Variants in SPIN1 observed in about 807,000 individuals in gnomAD.
SPIN1 encodes spindlin-1.
Under a neutral mutation model 26.0 loss-of-function variants are expected in SPIN1, and 3 were observed. The observed-to-expected ratio is 0.12, with a 90% confidence interval of 0.05 to 0.30. The LOEUF is 0.30. SPIN1 is among the 10% of genes least tolerant of loss of function. The probability of loss-of-function intolerance (pLI) is 1.00; values close to 1 mark genes in which losing one functional copy is unlikely to be tolerated. For missense variants in SPIN1, 126 were observed against 333.4 expected (o/e 0.38, Z 4.84); for synonymous variants, 101 against 116.5 (o/e 0.87, Z 0.86).
rs1828916888 is a variant in SPIN1 at position 88,477,945 on chromosome 9, A to C, written c.*2668A>C. ...TGCTCTATTCTAAGTAGAATGTTCA[A>C]TGTAACTGACTAAAATTGCATGTTA... On this transcript the variant is annotated 3_prime_UTR_variant, in exon 6 of 6. Coordinates refer to ENST00000375859, the MANE Select transcript of SPIN1 (RefSeq NM_006717.3). 6.6e-6 allele frequency: 1 copy of C among 152,330 alleles called. No individual in the cohort carries two copies. The highest frequency in any genetic ancestry group is 1.5e-5 in the Non-Finnish European group (1 of 68,036). The allele number at this position is 152,330 out of a possible 1,614,324, so 9.4% of individuals were successfully genotyped here. A position where few individuals can be genotyped will look rare whatever the true frequency, so the allele number is the denominator to read the frequency against.
intron 3 of SPIN1, among the ~76,000 whole-genome samples, chr9:88,450,369 G>A (rs1450688691): frequency 6.6e-6 from 1 of 152,116 alleles, no homozygotes; most frequent in Non-Finnish European, 1.5e-5. Context: ...TAAGTTAAAG[G>A]CTTATAGAAT....
Position 88,462,533 on chromosome 9 carries a change from T to A in SPIN1, c.139T>A (p.Ser47Thr), listed in dbSNP as rs747157977. 3.7e-6 allele frequency: 6 copies of A among 1,613,954 alleles called. No homozygotes were observed. In the Admixed American group the frequency reaches 8.3e-5, roughly 22 times the overall value. Residue 47 changes from serine (S) to threonine (T), a missense_variant, in exon 4 of 6, where the codon TCC (serine) becomes ACC (threonine). Transcript: ENST00000375859. The stretch of plus-strand genomic sequence containing the variant: ...CAGTGTGGGTCCGAGCAAACCTGTT[T>A]CCCAGCCCCGGCGGAACATCGTAGG... ...RSSVGPSKPV[S>T]QPRRNIVGCR... is the part of the protein sequence containing the mutation.
chr9:88,437,213 A>G (rs140594196), intron 2 of SPIN1, among the ~76,000 whole-genome samples: 54 of 151,828 alleles, frequency 3.6e-4, no homozygotes, highest in African/African-American at 1.2e-3. Flanking sequence ...TAAAGCTGCT[A>G]TAGGCCGGGG....
chr9:88,410,838 G>A (rs1351824361), intron 1 of SPIN1: 1 of 922,662 alleles, frequency 1.1e-6, no homozygotes, highest in Non-Finnish European at 1.8e-6. Flanking sequence ...CATTCCCACT[G>A]AAACCACCTC....
At position 88,463,552 on chromosome 9, in the gene SPIN1, G is replaced by A. The variant is rs192458569; in HGVS notation, c.355+803G>A. Among the ~76,000 whole-genome samples, 337 of 152,324 alleles carry A rather than the reference G, an allele frequency of 2.2e-3. 1 individual carries two copies. Among genetic ancestry groups the A allele is most frequent in the Non-Finnish European group, 3.8e-3 (261 of 68,032 alleles). The stretch of plus-strand genomic sequence containing the variant: ...TTTTGGGATCAAATTGTCACAGGAA[G>A]AAATTAGTTCAGTCTCCTCGCTTTG... On this transcript the variant is annotated intron_variant, in intron 4 of 5. Coordinates refer to ENST00000375859, the MANE Select transcript of SPIN1 (RefSeq NM_006717.3).
At chr9:88,420,897 C>T (rs994952562) in intron 1 of SPIN1, among the ~76,000 whole-genome samples, 3 of 152,154 alleles carry the variant, frequency 2.0e-5, no homozygotes, top group African/African-American at 4.8e-5. Context: ...GAATTATTTT[C>T]ACAGTTCTTT....
chr9:88,407,946 A>G (rs536388257), intron 1 of SPIN1, among the ~76,000 whole-genome samples: 50 of 151,806 alleles, frequency 3.3e-4, no homozygotes, highest in African/African-American at 1.1e-3. Context: ...TGGTTTTTGT[A>G]CAGACAGATA....
chr9:88,403,247 C>T (rs980092677), intron 1 of SPIN1, among the ~76,000 whole-genome samples: 1 of 152,176 alleles, frequency 6.6e-6, no homozygotes, highest in Non-Finnish European at 1.5e-5. Context: ...TCTCTTCACT[C>T]TGTCATTTGT....
chr9:88,400,110 C>G (rs913017226), intron 1 of SPIN1, among the ~76,000 whole-genome samples: 1 of 152,172 alleles, frequency 6.6e-6, no homozygotes, highest in African/African-American at 2.4e-5. Context: ...ATTGGCCTCC[C>G]TTTGGGTAGT....
At chr9:88,411,216 GTCT>G in intron 1 of SPIN1, 1 of 1,198,596 alleles carries the variant, frequency 8.3e-7, no homozygotes, top group Non-Finnish European at 1.2e-6. Context: ...GGTTCCACAA[GTCT>G]TCTGTTCACC....
At chr9:88,411,053 AT>A (rs1346131972) in intron 1 of SPIN1, 1 of 1,585,260 alleles carries the variant, frequency 6.3e-7, no homozygotes, top group Non-Finnish European at 8.6e-7. Flanking sequence ...TCGGTCAGTC[AT>A]GATTTCAATC....
chr9:88,446,555 C>T (rs886209207), intron 2 of SPIN1, among the ~76,000 whole-genome samples: 9 of 151,522 alleles, frequency 5.9e-5, no homozygotes, highest in African/African-American at 9.7e-5. Context: ...TACAGGTGTG[C>T]GCCACCACAC....
intron 2 of SPIN1, among the ~76,000 whole-genome samples, chr9:88,432,958 CT>C (rs1361367264): frequency 6.6e-6 from 1 of 152,214 alleles, no homozygotes; most frequent in Non-Finnish European, 1.5e-5. Flanking sequence ...TCAAGAGATC[CT>C]CCCACCTCAG....
At chr9:88,399,878 C>T (rs1827150015) in intron 1 of SPIN1, among the ~76,000 whole-genome samples, 1 of 152,214 alleles carries the variant, frequency 6.6e-6, no homozygotes, top group Non-Finnish European at 1.5e-5. Context: ...CCGAAGGTTT[C>T]TGTGACTGCT....
chr9:88,466,251 T>C (rs528625881), intron 4 of SPIN1, among the ~76,000 whole-genome samples: 1 of 152,240 alleles, frequency 6.6e-6, no homozygotes, highest in South Asian at 2.1e-4. Flanking sequence ...CTCAACACGT[T>C]GAGCTCAAAC....
At chr9:88,421,682 T>C (rs1422985463) in intron 1 of SPIN1, among the ~76,000 whole-genome samples, 3 of 149,942 alleles carry the variant, frequency 2.0e-5, no homozygotes, top group Non-Finnish European at 4.4e-5. Flanking sequence ...TTAGTCTCTT[T>C]TAGTCTAGAG....
chr9:88,401,427 C>A (rs561245551), intron 1 of SPIN1, among the ~76,000 whole-genome samples: 1 of 152,110 alleles, frequency 6.6e-6, no homozygotes, highest in South Asian at 2.1e-4. Flanking sequence ...ACTCCGCCTG[C>A]CTCCCCGCCT....
chr9:88,438,747 A>G (rs917971326), intron 2 of SPIN1, among the ~76,000 whole-genome samples: 1 of 152,210 alleles, frequency 6.6e-6, no homozygotes, highest in South Asian at 2.1e-4. Context: ...AAATACTTCA[A>G]CATCTGAAAC....
rs550674336 is a variant in SPIN1 at position 88,407,264 on chromosome 9, A to G, written c.-159+18726A>G. Among the ~76,000 whole-genome samples the G allele has an allele frequency of 3.9e-5, 6 of 151,900 alleles. No homozygotes were observed. In the South Asian group the frequency reaches 1.2e-3, roughly 32 times the overall value. On this transcript the variant is annotated intron_variant, in intron 1 of 5. Coordinates refer to ENST00000375859, the MANE Select transcript of SPIN1 (RefSeq NM_006717.3). ...CCATTCTCCTGCCTCAGCCTCCCGA[A>G]TAGCTGGGACTACATACAGGTGTGC...
Sources: allele counts gnomAD v4.1 joint callset (sites outside exome capture counted in the v4.1 genomes callset), GRCh38; gene constraint gnomAD v4.1.1; transcripts MANE v1.5; gene names NCBI Gene and HGNC (gene_info 2026-07-23, HGNC 2026-07-21).